The following CAND2 variants were observed in gnomAD, a reference collection of about 807,000 sequenced individuals.
The protein encoded by CAND2 is cullin associated and neddylation dissociated 2 (putative), also known as cullin-associated NEDD8-dissociated protein 2.
Under a neutral mutation model 98.9 loss-of-function variants are expected in CAND2, and 62 were observed. The ratio of observed to expected loss-of-function variants is 0.63; its 90% CI spans 0.51 to 0.77. The LOEUF (loss-of-function observed/expected upper bound fraction) is 0.77, where lower values mean the gene tolerates loss of function less well. CAND2 is among the 30% of genes least tolerant of loss of function. The probability of loss-of-function intolerance (pLI) is 0.00; values close to 1 mark genes in which losing one functional copy is unlikely to be tolerated. For synonymous variants in CAND2, 770 were observed against 731.9 expected (o/e 1.05, Z -0.84); for missense variants, 1,501 against 1,655.2 (o/e 0.91, Z 1.62).
intron 9 of CAND2, 78 bp downstream of exon 9, chr3:12,816,086 C>T: frequency 6.9e-7 from 1 of 1,446,838 alleles, no homozygotes; most frequent in Admixed American, 1.8e-5. Context: ...GTTGAGCCCC[C>T]AGTTCCTGAG....
intron 11 of CAND2, among the ~76,000 whole-genome samples, chr3:12,823,257 A>G (rs1037372445): frequency 1.3e-5 from 2 of 148,722 alleles, no homozygotes; most frequent in African/African-American, 5.0e-5. Context: ...CTGGGTGGTT[A>G]TGTGGATCAT....
Position 12,808,464 on chromosome 3 carries a change from C to T in CAND2, c.491+131C>T, listed in dbSNP as rs577563885. The T allele has an allele frequency of 1.8e-4, 185 of 1,020,620 alleles. 1 individual carries two copies. The African/African-American group carries it at 2.5e-3, about 14-fold the overall frequency. The allele number at this position is 1,020,620 out of a possible 1,614,324, so 63.2% of individuals were successfully genotyped here. A position where few individuals can be genotyped will look rare whatever the true frequency, so the allele number is the denominator to read the frequency against. On this transcript the variant is annotated intron_variant, in intron 4 of 14. Transcript: ENST00000456430. ...GGCTCCTTAATCATCCCAGCAGCCT[C>T]GTAAAGGAGAACTCAATTGTCACAA...
At position 12,815,438 on chromosome 3, in the gene CAND2, G is replaced by A. The variant is rs771117872; in HGVS notation, c.1299+5G>A. 6.2e-7 allele frequency: 1 copy of A among 1,603,282 alleles called. No individual in the cohort carries two copies. The highest frequency in any genetic ancestry group is 8.5e-7 in the Non-Finnish European group (1 of 1,172,428). The stretch of plus-strand genomic sequence containing the variant: ...CTCCATATGCTACGTGGACAGGTGG[G>A]CGTGCCTTCACCTCCACCCCTACCC... On this transcript the variant is annotated splice_donor_5th_base_variant and intron_variant, in intron 8 of 14. Transcript: ENST00000456430. The surrounding 1 kb of genome is among the most constrained non-coding windows in gnomAD (Gnocchi z 5.7).
chr3:12,828,218 A>G (rs1262423925), intron 13 of CAND2, among the ~76,000 whole-genome samples: 2 of 151,876 alleles, frequency 1.3e-5, no homozygotes, highest in African/African-American at 4.8e-5. Flanking sequence ...ATATCTTTCT[A>G]TATCATTTTT....
At position 12,817,692 on chromosome 3, in the gene CAND2, G is replaced by C. The variant is rs777788827; in HGVS notation, c.2760G>C (p.Glu920Asp). ...ACCTGCTGCTGCACTCACTCAGGGAGGCCCTGGGGGCCGCCCAGCCTGACA... is the reference window on the plus strand; with the variant it reads ...ACCTGCTGCTGCACTCACTCAGGGACGCCCTGGGGGCCGCCCAGCCTGACA... ...RQYLLLHSLR[E>D]ALGAAQPDSL... The change falls in exon 10 of 15, where the codon GAG becomes GAC. Residue 920 changes from glutamate to aspartate, a missense_variant. Coordinates refer to ENST00000456430, the MANE Select transcript of CAND2 (RefSeq NM_001162499.2). 1.7e-5 allele frequency: 27 copies of C among 1,600,124 alleles called. No individual in the cohort carries two copies. Among genetic ancestry groups the C allele is most frequent in the Non-Finnish European group, 2.1e-5 (25 of 1,172,866 alleles).
At chr3:12,803,343 AC>A in intron 1 of CAND2, 144 bp from the exon 2 acceptor site, 1 of 708,412 alleles carries the variant, frequency 1.4e-6, no homozygotes, top group South Asian at 2.8e-5. Context: ...CCTGTCACTT[AC>A]CAAAACATCA....
chr3:12,799,582 T>G (rs1275088708), intron 1 of CAND2, among the ~76,000 whole-genome samples: 1 of 152,172 alleles, frequency 6.6e-6, no homozygotes, highest in Non-Finnish European at 1.5e-5. Flanking sequence ...CTGTAAGTTC[T>G]GTTAAGGGCT....
intron 1 of CAND2, among the ~76,000 whole-genome samples, chr3:12,798,000 C>T (rs56090480): frequency 0.015 from 2,314 of 152,194 alleles, 61 homozygotes; most frequent in African/African-American, 0.052. Flanking sequence ...TCCCAGCTGC[C>T]GTCACTCACT....
In CAND2 at chr3:12,807,488, G is replaced by A. The variant is rs1245384747; in HGVS notation, c.367+28G>A. On this transcript the variant is annotated intron_variant, in intron 3 of 14. Transcript: ENST00000456430. Reference sequence around the variant, plus strand: ...ACCCAGGTCCCCAGGACTAGGTACTGTTAGTATTTGTCCTAGTTTATGGTA... The same window carrying A: ...ACCCAGGTCCCCAGGACTAGGTACTATTAGTATTTGTCCTAGTTTATGGTA... 12 of 1,530,634 alleles carry A rather than the reference G, an allele frequency of 7.8e-6. No individual in the cohort carries two copies. In the African/African-American group the frequency reaches 1.1e-4, roughly 14 times the overall value. 94.8% of individuals were successfully genotyped at this position (1,530,634 alleles called of 1,614,324 possible). A position where few individuals can be genotyped will look rare whatever the true frequency, so the allele number is the denominator to read the frequency against.
At chr3:12,796,821 C>T (rs1188991590) in intron 1 of CAND2, 33 bp downstream of exon 1, 1 of 1,546,466 alleles carries the variant, frequency 6.5e-7, no homozygotes. Context: ...TTCTCTCCTT[C>T]CCGCTCTGAA....
chr3:12,807,512 T>TA lies in CAND2; in HGVS notation c.367+59dup, dbSNP rs34529773. 37 of 1,462,950 alleles carry TA rather than the reference T, an allele frequency of 2.5e-5. No individual in the cohort carries two copies. The Admixed American group carries it at 3.4e-4, about 13-fold the overall frequency. The allele number at this position is 1,462,950 out of a possible 1,614,324, so 90.6% of individuals were successfully genotyped here. ...TGTTAGTATTTGTCCTAGTTTATGG[T>TA]AAAAAAACAAACGAAAAAACAAAAA... On this transcript the variant is annotated intron_variant, in intron 3 of 14. Transcript: ENST00000456430.
At chr3:12,797,421 G>C (rs973794456) in intron 1 of CAND2, among the ~76,000 whole-genome samples, 2 of 151,948 alleles carry the variant, frequency 1.3e-5, no homozygotes, top group Admixed American at 6.6e-5. Flanking sequence ...GGCTGAGTCT[G>C]GCTTTCCAGT....
chr3:12,808,471 G>T (rs1373576888), intron 4 of CAND2, 138 bp downstream of exon 4: 6 of 992,948 alleles, frequency 6.0e-6, no homozygotes, highest in Non-Finnish European at 8.9e-6. Flanking sequence ...CCTCGTAAAG[G>T]AGAACTCAAT....
intron 11 of CAND2, among the ~76,000 whole-genome samples, chr3:12,822,975 T>C (rs1298564352): frequency 5.9e-5 from 9 of 152,186 alleles, no homozygotes; most frequent in African/African-American, 2.2e-4. Flanking sequence ...CCTACCCACC[T>C]ATTTTGAAAA....
chr3:12,831,346 A>T, intron 13 of CAND2, 119 bp from the exon 14 acceptor site: 7 of 754,346 alleles, frequency 9.3e-6, no homozygotes, highest in Non-Finnish European at 1.2e-5. Flanking sequence ...GCAGGACTTC[A>T]CGGTGGTCTG....
At chr3:12,810,588 C>A (rs1647485171) in intron 5 of CAND2, among the ~76,000 whole-genome samples, 1 of 152,210 alleles carries the variant, frequency 6.6e-6, no homozygotes, top group South Asian at 2.1e-4. Flanking sequence ...TCGACAAACC[C>A]CCAGGCCTGA....
At chr3:12,808,492 T>G (rs141610080) in intron 4 of CAND2, among the ~76,000 whole-genome samples, 159 bp downstream of exon 4, 2 of 152,276 alleles carry the variant, frequency 1.3e-5, no homozygotes, top group East Asian at 3.9e-4. Context: ...TGTCACAATT[T>G]TACAGGCTCT....
chr3:12,805,399 T>C (rs1268731769), intron 2 of CAND2, among the ~76,000 whole-genome samples: 3 of 151,942 alleles, frequency 2.0e-5, no homozygotes, highest in Admixed American at 2.0e-4. Context: ...GCGATTCCCA[T>C]GTCTCAGCCT....
intron 2 of CAND2, chr3:12,807,000 A>C: frequency 3.8e-6 from 1 of 261,578 alleles, no homozygotes. Context: ...GGGCCCAGCC[A>C]TCTGTTTAAA....
Sources: gnomAD v4.1 joint callset for allele counts (sites outside exome capture counted in the v4.1 genomes callset) on GRCh38, gnomAD v4.1.1 for gene constraint, Gnocchi (gnomAD v3.1) non-coding constraint, MANE v1.5 for transcripts, NCBI Gene and HGNC (gene_info 2026-07-23, HGNC 2026-07-21) for gene names.